Variants in PRKCH observed in about 807,000 individuals in gnomAD.
PRKCH encodes the protein protein kinase C eta type.
A neutral mutation model predicts 82.5 loss-of-function variants in PRKCH; 28 were observed. That is an observed-to-expected ratio of 0.34 (90% confidence interval 0.25 to 0.47). The LOEUF is 0.47. Among genes scored for constraint, PRKCH ranks in the 20% least tolerant of loss-of-function variants. PRKCH has a pLI of 1.00. For synonymous variants in PRKCH, 322 were observed against 327.4 expected (o/e 0.98, Z 0.18); for missense variants, 705 against 881.8 (o/e 0.80, Z 2.54).
intron 1 of PRKCH, among the ~76,000 whole-genome samples, chr14:61,346,573 C>A (rs1457502838): frequency 6.6e-6 from 1 of 152,142 alleles, no homozygotes; most frequent in Non-Finnish European, 1.5e-5. Context: ...TGGGGTTATG[C>A]AACACATGGG....
At chr14:61,361,529 ACTCT>A (rs1009058136) in intron 1 of PRKCH, among the ~76,000 whole-genome samples, 2 of 152,118 alleles carry the variant, frequency 1.3e-5, no homozygotes, top group Admixed American at 1.3e-4. Context: ...GAAACTTTCA[ACTCT>A]CTGTTTAGTT....
chr14:61,474,567 G>C (rs1432514386), intron 9 of PRKCH, among the ~76,000 whole-genome samples: 1 of 152,066 alleles, frequency 6.6e-6, no homozygotes, highest in Non-Finnish European at 1.5e-5. Flanking sequence ...GGGATGGGGG[G>C]CTGGGGGAGG....
Position 61,445,744 on chromosome 14 carries a change from A to G in PRKCH, c.613+18A>G, listed in dbSNP as rs79002510. On this transcript the variant is annotated intron_variant, in intron 4 of 13. Transcript: ENST00000332981. ...GTGCCAAGGTAAGGAAACATTTTTA[A>G]AACCATGTTTCATTTTGTTCCTATG... is the stretch of plus-strand genomic sequence containing the variant. 2.0e-5 allele frequency: 32 copies of G among 1,595,658 alleles called. No individual in the cohort carries two copies. The East Asian group carries it at 6.9e-4, about 35-fold the overall frequency.
At chr14:61,501,518 G>T (rs990593979) in intron 10 of PRKCH, among the ~76,000 whole-genome samples, 2 of 151,768 alleles carry the variant, frequency 1.3e-5, no homozygotes, top group African/African-American at 4.8e-5. Flanking sequence ...CTACATAAGG[G>T]CTTGCATCTT....
chr14:61,213,276 A>C (rs1566782878), intron 1 of PRKCH, among the ~76,000 whole-genome samples: 1 of 152,202 alleles, frequency 6.6e-6, no homozygotes, highest in East Asian at 1.9e-4. Context: ...AAGTCAAGGA[A>C]GAGTCTTGGT....
At chr14:61,451,309 G>A (rs148761241) in intron 6 of PRKCH, among the ~76,000 whole-genome samples, 48 of 152,138 alleles carry the variant, frequency 3.2e-4, no homozygotes, top group African/African-American at 1.1e-3. Context: ...GGTTGAGTCA[G>A]GTGAGACACT....
rs554536940 is a variant in PRKCH at position 61,506,677 on chromosome 14, C to T, written c.1433+21021C>T. Among the ~76,000 whole-genome samples, 4 of 152,272 alleles carry T rather than the reference C, an allele frequency of 2.6e-5. No homozygotes were observed. In the East Asian group the frequency reaches 7.7e-4, roughly 29 times the overall value. On this transcript the variant is annotated intron_variant, in intron 10 of 13. Transcript: ENST00000332981. ...AAGAAAAGAAAAAAATGCTAAGAAG[C>T]AGGGACCTGGCTGCCTGATCTTCCC...
intron 9 of PRKCH, among the ~76,000 whole-genome samples, chr14:61,479,289 A>G (rs1235845306): frequency 6.6e-6 from 1 of 152,180 alleles, no homozygotes; most frequent in African/African-American, 2.4e-5. Context: ...CACAGCCTAG[A>G]CTAAATTAAA....
intron 12 of PRKCH, among the ~76,000 whole-genome samples, chr14:61,541,191 G>C (rs1043137273): frequency 1.3e-5 from 2 of 152,250 alleles, no homozygotes; most frequent in Admixed American, 6.5e-5. Context: ...TGGCAGGAGG[G>C]GTATAAAAGG....
intron 9 of PRKCH, among the ~76,000 whole-genome samples, chr14:61,483,083 C>T (rs1485221677): frequency 6.6e-6 from 1 of 152,248 alleles, no homozygotes; most frequent in African/African-American, 2.4e-5. Flanking sequence ...AGACTGACCT[C>T]CTTGCCCAGA....
chr14:61,274,547 T>G (rs1470090182), intron 1 of PRKCH, among the ~76,000 whole-genome samples: 1 of 152,142 alleles, frequency 6.6e-6, no homozygotes, highest in African/African-American at 2.4e-5. Flanking sequence ...AAAGAGAGAA[T>G]TGACTGAAAG....
chr14:61,474,895 G>C (rs781324465), intron 9 of PRKCH, among the ~76,000 whole-genome samples: 1 of 152,176 alleles, frequency 6.6e-6, no homozygotes, highest in East Asian at 1.9e-4. Context: ...ACTGCAGACA[G>C]GGGGAGAGGA....
intron 1 of PRKCH, among the ~76,000 whole-genome samples, chr14:61,377,739 C>T (rs1488919938): frequency 6.6e-6 from 1 of 152,236 alleles, no homozygotes; most frequent in Non-Finnish European, 1.5e-5. Context: ...AAACTCCATA[C>T]TCCTTTGGCC....
chr14:61,371,342 G>A (rs998995569), intron 1 of PRKCH, among the ~76,000 whole-genome samples: 1 of 151,906 alleles, frequency 6.6e-6, no homozygotes, highest in African/African-American at 2.4e-5. Context: ...TAGTTTATCA[G>A]ATTTCCTTAG....
intron 1 of PRKCH, among the ~76,000 whole-genome samples, chr14:61,210,829 T>C (rs987938770): frequency 1.3e-5 from 2 of 150,998 alleles, no homozygotes; most frequent in African/African-American, 2.4e-5. Context: ...CACGCGTGCA[T>C]TCCATATTGC....
chr14:61,320,623 C>A (rs1390665271), upstream of PRKCH, among the ~76,000 whole-genome samples: 2 of 151,626 alleles, frequency 1.3e-5, no homozygotes, highest in African/African-American at 4.8e-5. Flanking sequence ...ACAACAACAA[C>A]AAAAAGTGGC....
chr14:61,219,901 T>A (rs941927667), intron 1 of PRKCH, among the ~76,000 whole-genome samples: 17 of 152,186 alleles, frequency 1.1e-4, no homozygotes, highest in Admixed American at 2.0e-4. Flanking sequence ...GTCAGAAGGC[T>A]CAAGGAGGTT....
chr14:61,248,145 C>T (rs1226730348), intron 1 of PRKCH, among the ~76,000 whole-genome samples: 1 of 152,082 alleles, frequency 6.6e-6, no homozygotes, highest in Non-Finnish European at 1.5e-5. Context: ...TATTTATCAC[C>T]TAAAATCAAT....
chr14:61,545,144 T>C (rs1176357517), intron 12 of PRKCH: 1 of 152,434 alleles, frequency 6.6e-6, no homozygotes, highest in African/African-American at 2.4e-5. Context: ...CATCCCTGCA[T>C]GCCAGCTGTA....
Sources: allele counts gnomAD v4.1 joint callset (sites outside exome capture counted in the v4.1 genomes callset), GRCh38; gene constraint gnomAD v4.1.1; transcripts MANE v1.5; gene names NCBI Gene and HGNC (gene_info 2026-07-23, HGNC 2026-07-21).